CCDC178: variants seen among roughly 807,000 people sequenced by gnomAD.
CCDC178 encodes coiled-coil domain containing 178.
CCDC178 carries 126 observed loss-of-function variants against 117.4 expected under a neutral mutation model. That is an observed-to-expected ratio of 1.07 (90% confidence interval 0.93 to 1.24). The LOEUF (loss-of-function observed/expected upper bound fraction) is 1.24. Ranked by LOEUF, CCDC178 falls within the 50% of genes most tolerant of loss-of-function variation. The pLI is 0.00. For synonymous variants in CCDC178, 283 were observed against 313.4 expected (o/e 0.90, Z 1.02); for missense variants, 1,030 against 986.9 (o/e 1.04, Z -0.59).
chr18:33,022,541 A>T (rs1276900500), intron 21 of CCDC178, among the ~76,000 whole-genome samples: 1 of 152,200 alleles, frequency 6.6e-6, no homozygotes, highest in Non-Finnish European at 1.5e-5. Context: ...TTATGTATTT[A>T]AAATGTAATA....
intron 21 of CCDC178, among the ~76,000 whole-genome samples, chr18:33,006,612 T>C (rs2055755560): frequency 2.0e-5 from 3 of 152,026 alleles, no homozygotes; most frequent in South Asian, 4.1e-4. Flanking sequence ...TCCCTTCTTT[T>C]TGAGTATGGG....
intron 21 of CCDC178, among the ~76,000 whole-genome samples, chr18:33,087,449 G>T (rs894889275): frequency 2.0e-5 from 3 of 152,000 alleles, no homozygotes; most frequent in Non-Finnish European, 4.4e-5. Flanking sequence ...CAGAGAAATG[G>T]GACAGTATAA....
chr18:33,346,237 T>C lies in CCDC178; in HGVS notation c.632A>G (p.Gln211Arg). Reference protein sequence around the residue: ...KIDSWSVWKLQELPLAVQKEH... With the variant: ...KIDSWSVWKLRELPLAVQKEH... ...TTTCTGCACAGCCAATGGGAGTTCT[T>C]GAAGTTTCCAGACTGACCAAGAGTC... The change falls in exon 9 of 23, where the codon CAA becomes CGA. Residue 211 changes from glutamine to arginine, a missense_variant. Transcript: ENST00000383096. 1 of 1,613,628 alleles carries C rather than the reference T, an allele frequency of 6.2e-7. No individual in the cohort carries two copies. Among genetic ancestry groups the C allele is most frequent in the Middle Eastern group, 1.6e-4 (1 of 6,062 alleles).
At chr18:33,015,436 A>G (rs2144811369) in intron 21 of CCDC178, among the ~76,000 whole-genome samples, 1 of 150,620 alleles carries the variant, frequency 6.6e-6, no homozygotes, top group East Asian at 2.0e-4. Flanking sequence ...GTGGTGGCAG[A>G]TGCCTGTAGT....
chr18:33,225,916 C>T (rs2059297699), intron 16 of CCDC178, among the ~76,000 whole-genome samples: 1 of 152,166 alleles, frequency 6.6e-6, no homozygotes, highest in Non-Finnish European at 1.5e-5. Context: ...AATCCCAGCA[C>T]TTTGGGAGGC....
chr18:33,038,716 A>G (rs1410990717), intron 21 of CCDC178, among the ~76,000 whole-genome samples: 1 of 152,026 alleles, frequency 6.6e-6, no homozygotes, highest in Non-Finnish European at 1.5e-5. Flanking sequence ...AGGTAGAATG[A>G]GGTTGTCTAA....
intron 20 of CCDC178, among the ~76,000 whole-genome samples, chr18:33,121,553 C>T (rs1210900723): frequency 6.6e-6 from 1 of 152,130 alleles, no homozygotes; most frequent in Admixed American, 6.6e-5. Context: ...GCTGAACCCT[C>T]ATAGAGGGGC....
intron 18 of CCDC178, among the ~76,000 whole-genome samples, chr18:33,218,767 T>C (rs1260007361): frequency 6.6e-6 from 1 of 152,140 alleles, no homozygotes; most frequent in Non-Finnish European, 1.5e-5. Flanking sequence ...GTTGTAGATC[T>C]GTGGAATTAT....
At chr18:32,971,488 G>C (rs970306660) in intron 22 of CCDC178, among the ~76,000 whole-genome samples, 1 of 152,142 alleles carries the variant, frequency 6.6e-6, no homozygotes, top group African/African-American at 2.4e-5. Flanking sequence ...AAACATACAT[G>C]TGCATATGTC....
chr18:32,954,100 A>G (rs1404791979), intron 22 of CCDC178: 1 of 152,172 alleles, frequency 6.6e-6, no homozygotes, highest in Non-Finnish European at 1.5e-5. Flanking sequence ...TGTTTTATAA[A>G]AAAAGTTCTT....
At chr18:33,243,615 A>T (rs184796252) in intron 15 of CCDC178, among the ~76,000 whole-genome samples, 2 of 152,046 alleles carry the variant, frequency 1.3e-5, no homozygotes, top group Non-Finnish European at 2.9e-5. Flanking sequence ...GTTACATCAA[A>T]CTTGCATTGA....
chr18:33,130,122 A>AGTT (rs1439354723), intron 20 of CCDC178, among the ~76,000 whole-genome samples: 1 of 151,978 alleles, frequency 6.6e-6, no homozygotes, highest in African/African-American at 2.4e-5. Flanking sequence ...GTATTCAGAT[A>AGTT]GTTGTAGACA....
At chr18:32,946,574 A>T (rs564547798) in intron 22 of CCDC178, among the ~76,000 whole-genome samples, 4 of 152,254 alleles carry the variant, frequency 2.6e-5, no homozygotes, top group African/African-American at 9.6e-5. Flanking sequence ...CCAAGGACAG[A>T]AATTGTATGC....
chr18:33,345,209 G>A (rs1401889343), intron 9 of CCDC178, among the ~76,000 whole-genome samples: 1 of 152,000 alleles, frequency 6.6e-6, no homozygotes, highest in Non-Finnish European at 1.5e-5. Flanking sequence ...TACAAAACAT[G>A]TGCATCCTGA....
intron 21 of CCDC178, among the ~76,000 whole-genome samples, chr18:33,000,313 T>TA (rs1013703041): frequency 6.6e-6 from 1 of 150,848 alleles, no homozygotes; most frequent in Admixed American, 6.6e-5. Context: ...AAAAAATAAT[T>TA]AAAAAAAATA....
At chr18:33,280,419 G>A (rs1049408917) in intron 12 of CCDC178, among the ~76,000 whole-genome samples, 3 of 151,358 alleles carry the variant, frequency 2.0e-5, no homozygotes, top group East Asian at 2.0e-4. Context: ...TCTCACACCA[G>A]TTAGAATGGC....
chr18:33,149,427 G>A (rs1355615037), intron 20 of CCDC178, among the ~76,000 whole-genome samples: 1 of 152,164 alleles, frequency 6.6e-6, no homozygotes, highest in East Asian at 1.9e-4. Flanking sequence ...AAGAATATTA[G>A]GAATTTTCAA....
intron 10 of CCDC178, among the ~76,000 whole-genome samples, chr18:33,324,292 GCA>G (rs2062556674): frequency 1.3e-5 from 2 of 151,744 alleles, no homozygotes; most frequent in Admixed American, 6.6e-5. Flanking sequence ...TGAGCATTAT[GCA>G]CAGTTTGACA....
chr18:33,335,563 G>T (rs1373977807), intron 9 of CCDC178, among the ~76,000 whole-genome samples: 2 of 151,890 alleles, frequency 1.3e-5, no homozygotes, highest in Non-Finnish European at 2.9e-5. Flanking sequence ...TTGTCTTGCT[G>T]TGATGCATTC....
Sources: allele counts gnomAD v4.1 joint callset (sites outside exome capture counted in the v4.1 genomes callset), GRCh38; gene constraint gnomAD v4.1.1; transcripts MANE v1.5; gene names NCBI Gene and HGNC (gene_info 2026-07-23, HGNC 2026-07-21).